Variants in FARP1 observed in about 807,000 individuals in gnomAD.
FARP1 encodes the protein FERM, ARHGEF and pleckstrin domain-containing protein 1.
Under a neutral mutation model 128.8 loss-of-function variants are expected in FARP1, and 52 were observed. That is an observed-to-expected ratio of 0.40 (90% confidence interval 0.32 to 0.51). The LOEUF (loss-of-function observed/expected upper bound fraction) is 0.51, where lower values mean the gene tolerates loss of function less well. Ranked by LOEUF, FARP1 falls within the 20% of genes least tolerant of loss-of-function variation. FARP1 has a pLI of 0.45. For missense variants in FARP1, 1,333 were observed against 1,367.9 expected, an observed-to-expected ratio of 0.97 and a Z score of 0.40; for synonymous variants, 580 against 551.8, an observed-to-expected ratio of 1.05 and a Z score of -0.72.
chr13:98,270,299 T>C (rs1455475821), intron 2 of FARP1, among the ~76,000 whole-genome samples: 2 of 152,186 alleles, frequency 1.3e-5, no homozygotes, highest in African/African-American at 4.8e-5. Context: ...GAATGAAGAT[T>C]GAGCTGTTCA....
intron 1 of FARP1, among the ~76,000 whole-genome samples, chr13:98,195,213 G>A (rs1278296080): frequency 6.6e-6 from 1 of 152,160 alleles, no homozygotes; most frequent in Non-Finnish European, 1.5e-5. Flanking sequence ...CTGTCCTTTT[G>A]GCTGGAAAGT....
intron 2 of FARP1, among the ~76,000 whole-genome samples, chr13:98,319,894 TAA>T (rs1357929811): frequency 6.6e-6 from 1 of 152,124 alleles, no homozygotes; most frequent in African/African-American, 2.4e-5. Flanking sequence ...GAAAAAAAGT[TAA>T]AAGTGTGTTT....
chr13:98,213,564 T>C, intron 2 of FARP1, 151 bp downstream of exon 2: 1 of 766,906 alleles, frequency 1.3e-6, no homozygotes, highest in Non-Finnish European at 2.1e-6. Context: ...ATGGCCCCGC[T>C]GACCCGTTCT....
chr13:98,351,401 A>T (rs1888416355), intron 3 of FARP1, among the ~76,000 whole-genome samples: 1 of 152,214 alleles, frequency 6.6e-6, no homozygotes, highest in African/African-American at 2.4e-5. Context: ...TCACAAGGTC[A>T]GGAGATCAAG....
chr13:98,306,520 TC>T (rs1209905279), intron 2 of FARP1, among the ~76,000 whole-genome samples: 8 of 148,656 alleles, frequency 5.4e-5, no homozygotes, highest in African/African-American at 1.2e-4. Context: ...TTTCTTTCTT[TC>T]TTTTTTGTTT....
chr13:98,386,070 A>T, intron 8 of FARP1: 1 of 442,948 alleles, frequency 2.3e-6, no homozygotes. Context: ...GCATCACAGA[A>T]ACATGTAGCT....
chr13:98,444,580 C>T (rs569705829), intron 24 of FARP1, among the ~76,000 whole-genome samples: 68 of 152,248 alleles, frequency 4.5e-4, no homozygotes, highest in South Asian at 4.1e-3. Flanking sequence ...AGGATGGACC[C>T]GACACAGGGG....
intron 2 of FARP1, among the ~76,000 whole-genome samples, chr13:98,326,958 C>A (rs1405012504): frequency 6.6e-6 from 1 of 152,156 alleles, no homozygotes; most frequent in Non-Finnish European, 1.5e-5. Context: ...TTTGAGCACT[C>A]ATGTTATTGT....
At chr13:98,232,781 A>G (rs1330331705) in intron 2 of FARP1, among the ~76,000 whole-genome samples, 1 of 152,216 alleles carries the variant, frequency 6.6e-6, no homozygotes, top group Admixed American at 6.5e-5. Context: ...GTATGCCTAG[A>G]TATCTGTTCT....
At chr13:98,241,918 AAAC>A (rs1018644680) in intron 2 of FARP1, among the ~76,000 whole-genome samples, 6 of 151,852 alleles carry the variant, frequency 4.0e-5, no homozygotes, top group African/African-American at 1.5e-4. Flanking sequence ...GACTCTGTCT[AAAC>A]AACAGCAACA....
intron 2 of FARP1, among the ~76,000 whole-genome samples, chr13:98,335,002 A>G (rs576477122): frequency 3.9e-5 from 6 of 152,342 alleles, no homozygotes; most frequent in African/African-American, 1.4e-4. Flanking sequence ...GTGTTTACCT[A>G]GCAAACTCCT....
intron 1 of FARP1, chr13:98,159,523 G>T (rs1422293467): frequency 6.7e-6 from 1 of 149,968 alleles, no homozygotes; most frequent in African/African-American, 2.5e-5. Context: ...CCAGGCTGGA[G>T]TGCAATGGCG....
At chr13:98,182,399 C>T (rs1038876084) in intron 1 of FARP1, among the ~76,000 whole-genome samples, 2 of 152,094 alleles carry the variant, frequency 1.3e-5, no homozygotes, top group African/African-American at 4.8e-5. Context: ...CATCATGGCT[C>T]ACTGCTGCCT....
At chr13:98,439,307 G>A in intron 21 of FARP1, 111 bp downstream of exon 21, 2 of 715,096 alleles carry the variant, frequency 2.8e-6, no homozygotes, top group South Asian at 1.8e-5. Context: ...GGGAGAGGGT[G>A]GCTAGTGGCA....
At chr13:98,243,339 C>T (rs1012761835) in intron 2 of FARP1, among the ~76,000 whole-genome samples, 1 of 152,114 alleles carries the variant, frequency 6.6e-6, no homozygotes, top group African/African-American at 2.4e-5. Flanking sequence ...GCATGTAGCT[C>T]TGTAGGATGG....
intron 2 of FARP1, chr13:98,233,947 A>G (rs150351388): frequency 5.6e-4 from 86 of 152,350 alleles, no homozygotes; most frequent in African/African-American, 1.8e-3. Flanking sequence ...GGAAATTACC[A>G]TCCCACATCT....
At chr13:98,318,093 C>G (rs1269690472) in intron 2 of FARP1, among the ~76,000 whole-genome samples, 1 of 102,510 alleles carries the variant, frequency 9.8e-6, no homozygotes, top group Non-Finnish European at 1.9e-5. Context: ...TTTTTTGAAA[C>G]AGGGTCTTGC....
chr13:98,428,315 C>A (rs1891864447), intron 17 of FARP1, among the ~76,000 whole-genome samples: 1 of 152,204 alleles, frequency 6.6e-6, no homozygotes. Flanking sequence ...CTGACCTTCA[C>A]CTGCTTGGCA....
At chr13:98,308,500 C>T (rs1886294220) in intron 2 of FARP1, among the ~76,000 whole-genome samples, 1 of 152,156 alleles carries the variant, frequency 6.6e-6, no homozygotes, top group Non-Finnish European at 1.5e-5. Context: ...CTGTCCAGGA[C>T]AGCCTGACGA....
Sources: gnomAD v4.1 joint callset for allele counts (sites outside exome capture counted in the v4.1 genomes callset) on GRCh38, gnomAD v4.1.1 for gene constraint, MANE v1.5 for transcripts, NCBI Gene and HGNC (gene_info 2026-07-23, HGNC 2026-07-21) for gene names.